TMEM178A: variants seen among roughly 807,000 people sequenced by gnomAD.
TMEM178A encodes the protein transmembrane protein 178A.
A neutral mutation model predicts 29.1 loss-of-function variants in TMEM178A; 12 were observed. The observed-to-expected ratio is 0.41, with a 90% CI of 0.26 to 0.67. TMEM178A has a LOEUF of 0.67. TMEM178A is among the 30% of genes least tolerant of loss of function. The probability of loss-of-function intolerance (pLI) is 0.29; values close to 1 mark genes in which losing one functional copy is unlikely to be tolerated. For synonymous variants in TMEM178A, 210 were observed against 187.2 expected (o/e 1.12, Z -0.99); for missense variants, 366 against 419.1 (o/e 0.87, Z 1.11).
At chr2:39,696,154 G>T (rs1671533379) in intron 1 of TMEM178A, among the ~76,000 whole-genome samples, 1 of 152,186 alleles carries the variant, frequency 6.6e-6, no homozygotes, top group African/African-American at 2.4e-5. Context: ...TGCAGGGTAG[G>T]TTGAGGGTTG....
At chr2:39,683,535 G>T (rs1670955207) in intron 1 of TMEM178A, among the ~76,000 whole-genome samples, 1 of 152,144 alleles carries the variant, frequency 6.6e-6, no homozygotes, top group Non-Finnish European at 1.5e-5. Context: ...CTTATCCCAG[G>T]CAGGATAGAG....
intron 1 of TMEM178A, among the ~76,000 whole-genome samples, chr2:39,689,039 C>T (rs1572666292): frequency 2.0e-5 from 3 of 152,310 alleles, no homozygotes; most frequent in Non-Finnish European, 1.5e-5. Context: ...GTACCAAATG[C>T]CACTTTCCTA....
At chr2:39,670,971 T>C (rs1670386829) in intron 1 of TMEM178A, among the ~76,000 whole-genome samples, 2 of 152,202 alleles carry the variant, frequency 1.3e-5, no homozygotes, top group Non-Finnish European at 1.5e-5. Flanking sequence ...TGTTTTGTTT[T>C]TATAAAATTA....
rs1291255684 is a variant in TMEM178A at position 39,679,767 on chromosome 2, A to G, written c.400+13393A>G. On this transcript the variant is annotated intron_variant, in intron 1 of 3. Coordinates refer to ENST00000281961, the MANE Select transcript of TMEM178A (RefSeq NM_152390.3). The stretch of plus-strand genomic sequence containing the variant: ...TATTAAATATTCTTTTTCCAGTAAA[A>G]CGGTTGCAATTCCAGTTACATACTT... Among the ~76,000 whole-genome samples, 3 of 152,070 alleles carry G rather than the reference A, an allele frequency of 2.0e-5. No individual in the cohort carries two copies. The East Asian group carries it at 5.8e-4, about 29-fold the overall frequency.
the TMEM178A span, among the ~76,000 whole-genome samples, chr2:39,729,751 T>C: frequency 5.3e-5 from 8 of 152,118 alleles, no homozygotes; most frequent in South Asian, 2.1e-4. Flanking sequence ...TGGGAGGGAG[T>C]TGAAAGTCAT....
At chr2:39,688,030 A>C (rs1671156221) in intron 1 of TMEM178A, among the ~76,000 whole-genome samples, 1 of 152,222 alleles carries the variant, frequency 6.6e-6, no homozygotes, top group Non-Finnish European at 1.5e-5. Context: ...GATGAGGGAA[A>C]TGTCAGTAAA....
At chr2:39,698,693 G>T (rs2716701) in intron 1 of TMEM178A, among the ~76,000 whole-genome samples, 10,056 of 136,012 alleles carry the variant, frequency 0.074, 1,122 homozygotes, top group African/African-American at 0.24. Context: ...TTTCCTTCAT[G>T]CTCTATTTTT....
At chr2:39,713,979 C>G (rs1450191719) in intron 3 of TMEM178A, among the ~76,000 whole-genome samples, 1 of 152,224 alleles carries the variant, frequency 6.6e-6, no homozygotes, top group East Asian at 1.9e-4. Context: ...CAATGCTTCT[C>G]TCCTCTTAGT....
intron 1 of TMEM178A, among the ~76,000 whole-genome samples, chr2:39,677,971 A>C (rs1439732606): frequency 1.3e-5 from 2 of 152,164 alleles, no homozygotes; most frequent in East Asian, 3.9e-4. Context: ...AGAAAAAAAA[A>C]AAGCAAGCAA....
chr2:39,724,752 G>A, the TMEM178A span, among the ~76,000 whole-genome samples: 1 of 152,116 alleles, frequency 6.6e-6, no homozygotes, highest in African/African-American at 2.4e-5. Context: ...GAGGAACAGA[G>A]ACTCAGAGCA....
At chr2:39,726,058 T>G in the TMEM178A span, among the ~76,000 whole-genome samples, 1 of 152,094 alleles carries the variant, frequency 6.6e-6, no homozygotes, top group Non-Finnish European at 1.5e-5. Flanking sequence ...AAGCTGCCAT[T>G]GTAAGGTGAC....
rs998717537 is a variant in TMEM178A, at chr2:39,666,397, G to A, written c.400+23G>A. ...AAGGTGAGCGGCGGGCGCACCCCGC[G>A]TCCCCGGCGCCCGCGCGTGGAGCGC... On this transcript the variant is annotated intron_variant, in intron 1 of 3. Coordinates refer to ENST00000281961, the MANE Select transcript of TMEM178A (RefSeq NM_152390.3). The A allele has an allele frequency of 2.3e-6, 3 of 1,322,062 alleles. No homozygotes were observed. The African/African-American group carries it at 4.6e-5, about 20-fold the overall frequency. 81.9% of individuals were successfully genotyped at this position (1,322,062 alleles called of 1,614,324 possible).
At chr2:39,712,853 T>C (rs1222748550) in intron 3 of TMEM178A, among the ~76,000 whole-genome samples, 1 of 152,216 alleles carries the variant, frequency 6.6e-6, no homozygotes, top group Non-Finnish European at 1.5e-5. Context: ...TTATTAATCC[T>C]TCCATACTCC....
At chr2:39,709,743 A>G (rs751480740) in intron 3 of TMEM178A, among the ~76,000 whole-genome samples, 16 of 152,186 alleles carry the variant, frequency 1.1e-4, no homozygotes, top group Non-Finnish European at 2.4e-4. Flanking sequence ...TTGCCTCCCA[A>G]CACATGGGAA....
the TMEM178A span, among the ~76,000 whole-genome samples, chr2:39,724,215 C>T: frequency 2.6e-5 from 4 of 151,988 alleles, no homozygotes; most frequent in African/African-American, 9.7e-5. Context: ...GTATGTCCTC[C>T]TTACTTTGTC....
At chr2:39,665,725 A>C, upstream of TMEM178A, 2 of 300,980 alleles carry the variant, frequency 6.6e-6, no homozygotes, top group Non-Finnish European at 1.1e-5. Flanking sequence ...GGGGCAAGAA[A>C]GCGAGAGCGG....
intron 3 of TMEM178A, among the ~76,000 whole-genome samples, chr2:39,712,855 C>A (rs1390144337): frequency 6.6e-6 from 1 of 152,166 alleles, no homozygotes; most frequent in Non-Finnish European, 1.5e-5. Flanking sequence ...ATTAATCCTT[C>A]CATACTCCTT....
At position 39,707,157 on chromosome 2, in the gene TMEM178A, A is replaced by T. The variant is rs758000827; in HGVS notation, c.623A>T (p.His208Leu). 3 of 1,613,750 alleles carry T rather than the reference A, an allele frequency of 1.9e-6. No individual in the cohort carries two copies. The African/African-American group carries it at 4.0e-5, about 22-fold the overall frequency. ...TTCTGGGAGGAGAGCTTGACCCAGC[A>T]CGTGGCTGGACTCCTGTTCCTCATG... ...SFFWEESLTQHVAGLLFLMTG... is the reference protein window; with the variant it reads ...SFFWEESLTQLVAGLLFLMTG... Residue 208 changes from histidine (H) to leucine (L), a missense_variant, in exon 3 of 4, where the codon CAC (histidine) becomes CTC (leucine). Coordinates refer to ENST00000281961, the MANE Select transcript of TMEM178A (RefSeq NM_152390.3).
intron 1 of TMEM178A, among the ~76,000 whole-genome samples, chr2:39,681,426 C>T (rs936310580): frequency 2.0e-5 from 3 of 152,000 alleles, no homozygotes; most frequent in African/African-American, 4.8e-5. Context: ...TTTGGTCATT[C>T]GGAAGACTTA....
Sources: gnomAD v4.1 joint callset for allele counts (sites outside exome capture counted in the v4.1 genomes callset) on GRCh38, gnomAD v4.1.1 for gene constraint, MANE v1.5 for transcripts, NCBI Gene and HGNC (gene_info 2026-07-23, HGNC 2026-07-21) for gene names.